Variants in SLC2A1 observed in about 807,000 individuals in gnomAD.
The protein encoded by SLC2A1 is solute carrier family 2 member 1.
In SLC2A1, 4 loss-of-function variants were observed where a neutral mutation model predicts 46.6. The observed-to-expected ratio is 0.09, with a 90% CI of 0.04 to 0.20. The LOEUF is 0.20. Ranked by LOEUF, SLC2A1 falls within the 10% of genes least tolerant of loss-of-function variation. The probability of loss-of-function intolerance (pLI) is 1.00; values close to 1 mark genes in which losing one functional copy is unlikely to be tolerated. For synonymous variants in SLC2A1, 253 were observed against 270.0 expected (o/e 0.94, Z 0.62); for missense variants, 352 against 667.0 (o/e 0.53, Z 5.20).
chr1:42,950,368 C>A (rs1643707452), intron 1 of SLC2A1, among the ~76,000 whole-genome samples: 2 of 152,226 alleles, frequency 1.3e-5, no homozygotes, highest in South Asian at 4.1e-4. Flanking sequence ...GCCCCACGTC[C>A]CCTGAGCTAG....
chr1:42,926,795 G>A lies in SLC2A1; in HGVS notation c.*246C>T. The A allele has an allele frequency of 6.7e-7, 1 of 1,483,358 alleles. No homozygotes were observed. The highest frequency in any genetic ancestry group is 8.9e-7 in the Non-Finnish European group (1 of 1,121,954). 91.9% of individuals were successfully genotyped at this position (1,483,358 alleles called of 1,614,324 possible). A position where few individuals can be genotyped will look rare whatever the true frequency, so the allele number is the denominator to read the frequency against. ...GGCTGATATAAAAATAACAAAATCA[G>A]TAATAAAAAAATTATAAAACCTGTT... is the stretch of plus-strand genomic sequence containing the variant. On this transcript the variant is annotated 3_prime_UTR_variant, in exon 10 of 10. Transcript: ENST00000426263.
chr1:42,930,067 C>A lies in SLC2A1; in HGVS notation c.517-32G>T, dbSNP rs751155997. 5.6e-6 allele frequency: 9 copies of A among 1,612,024 alleles called. No homozygotes were observed. The African/African-American group carries it at 1.1e-4, about 19-fold the overall frequency. On this transcript the variant is annotated intron_variant, in intron 4 of 9. Coordinates refer to ENST00000426263, the MANE Select transcript of SLC2A1 (RefSeq NM_006516.4). The surrounding 1 kb of genome is among the most constrained non-coding windows in gnomAD (Gnocchi z 6.2). ...GAAGCAGGGGCCGTGAGCGCCTCTG[C>A]CCTGACCCCCTTTCCCACCCCGTCC...
chr1:42,930,427 C>G lies in SLC2A1; in HGVS notation c.516+199G>C. 1.3e-6 allele frequency: 1 copy of G among 780,626 alleles called. No individual in the cohort carries two copies. Among genetic ancestry groups the G allele is most frequent in the Non-Finnish European group, 2.2e-6 (1 of 445,546 alleles). The allele number at this position is 780,626 out of a possible 1,614,324, so 48.4% of individuals were successfully genotyped here. On this transcript the variant is annotated intron_variant, in intron 4 of 9. Transcript: ENST00000426263. The surrounding 1 kb of genome is among the most constrained non-coding windows in gnomAD (Gnocchi z 6.2). Reference sequence around the variant, plus strand: ...GAAGCCTAGAGTGAGAAGAAAGGGACTGAGAAGAGTCAAGTCATCTTGCTG... The same window carrying G: ...GAAGCCTAGAGTGAGAAGAAAGGGAGTGAGAAGAGTCAAGTCATCTTGCTG...
Position 42,931,067 on chromosome 1 carries a change from A to C in SLC2A1, c.254T>G (p.Leu85Arg), listed in dbSNP as rs746796254. 1.2e-6 allele frequency: 2 copies of C among 1,614,136 alleles called. No individual in the cohort carries two copies. Among genetic ancestry groups the C allele is most frequent in the Non-Finnish European group, 1.7e-6 (2 of 1,180,010 alleles). The change falls in exon 3 of 10, where the codon CTT becomes CGT. Residue 85 changes from leucine to arginine, a missense_variant. Physicochemically the swap from Leu to Arg is moderately radical, Grantham distance 102. Transcript: ENST00000426263. ...GGMIGSFSVGLFVNRFGRRNS... is the reference protein window; with the variant it reads ...GGMIGSFSVGRFVNRFGRRNS... Reference sequence around the variant, plus strand: ...TTACCGGCCAAAGCGGTTAACGAAAAGGCCCACAGAGAAGGAGCCAATCAT... The same window carrying C: ...TTACCGGCCAAAGCGGTTAACGAAACGGCCCACAGAGAAGGAGCCAATCAT...
rs996699151 is a variant in SLC2A1 at position 42,946,521 on chromosome 1, A to G, written c.19-3200T>C. ...GTATGAGGCACTGTGAGAACCCTGG[A>G]GGGAAAGATTTCCAGTTTTGCCTGG... On this transcript the variant is annotated intron_variant, in intron 1 of 9. Transcript: ENST00000426263. 9.1e-4 allele frequency among the ~76,000 whole-genome samples: 139 copies of G among 152,282 alleles called. 1 individual carries two copies. The highest frequency in any genetic ancestry group is 3.3e-3 in the African/African-American group (136 of 41,548).
chr1:42,955,288 A>G (rs1643760464), intron 1 of SLC2A1, among the ~76,000 whole-genome samples: 1 of 152,208 alleles, frequency 6.6e-6, no homozygotes, highest in Non-Finnish European at 1.5e-5. Flanking sequence ...AACTAAGCTA[A>G]GCTGGGATTC....
chr1:42,948,613 A>G (rs767259434), intron 1 of SLC2A1, among the ~76,000 whole-genome samples: 1 of 152,154 alleles, frequency 6.6e-6, no homozygotes, highest in Non-Finnish European at 1.5e-5. Context: ...ACTCATTTAA[A>G]TGAACTTCTG....
chr1:42,940,660 C>G (rs1186939748), intron 2 of SLC2A1, among the ~76,000 whole-genome samples: 1 of 152,094 alleles, frequency 6.6e-6, no homozygotes, highest in Non-Finnish European at 1.5e-5. Context: ...GTTGCTCAGG[C>G]TGGTCTTGAA....
rs1643811108 is a variant in SLC2A1, at chr1:42,958,835, C to A, written c.-184G>T. On this transcript the variant is annotated 5_prime_UTR_variant, in exon 1 of 10. Coordinates refer to ENST00000426263, the MANE Select transcript of SLC2A1 (RefSeq NM_006516.4). ...TCACTCGGGGACCCGCGACTAGCGA[C>A]CGGCACGCTCGCTGTTGCTACCTCT... 6.9e-6 allele frequency: 4 copies of A among 583,714 alleles called. No homozygotes were observed. The allele number at this position is 583,714 out of a possible 1,614,324, so 36.2% of individuals were successfully genotyped here. A position where few individuals can be genotyped will look rare whatever the true frequency, so the allele number is the denominator to read the frequency against.
At chr1:42,955,565 C>A (rs919851297) in intron 1 of SLC2A1, among the ~76,000 whole-genome samples, 10 of 152,160 alleles carry the variant, frequency 6.6e-5, no homozygotes, top group Admixed American at 6.5e-4. Context: ...AGCCAAGATA[C>A]TTGCCTGGGT....
intron 2 of SLC2A1, among the ~76,000 whole-genome samples, chr1:42,935,829 A>T (rs1643537610): frequency 1.3e-5 from 2 of 152,192 alleles, no homozygotes; most frequent in Admixed American, 1.3e-4. Flanking sequence ...AGTAGGGAGC[A>T]TGCAAGTCAA....
chr1:42,940,400 A>G (rs1163269807), intron 2 of SLC2A1, among the ~76,000 whole-genome samples: 1 of 152,186 alleles, frequency 6.6e-6, no homozygotes, highest in Non-Finnish European at 1.5e-5. Flanking sequence ...ACCAGTGTCT[A>G]TTACTATGAC....
At position 42,927,951 on chromosome 1, in the gene SLC2A1, C is replaced by T; in HGVS notation, c.1075-143G>A. ...GGTCCTGGATTTGTTGTGTATCCAG[C>T]ATTGGGCCTAAGTTTCCTCATCCGA... On this transcript the variant is annotated intron_variant, in intron 8 of 9. Transcript: ENST00000426263. The surrounding 1 kb of genome is among the most constrained non-coding windows in gnomAD (Gnocchi z 5.3). 3 of 725,702 alleles carry T rather than the reference C, an allele frequency of 4.1e-6. No individual in the cohort carries two copies. Among genetic ancestry groups the T allele is most frequent in the Non-Finnish European group, 4.9e-6 (2 of 409,384 alleles). The allele number at this position is 725,702 out of a possible 1,614,324, so 45.0% of individuals were successfully genotyped here.
chr1:42,952,446 T>A, intron 1 of SLC2A1: 1 of 467,186 alleles, frequency 2.1e-6, no homozygotes, highest in Non-Finnish European at 4.3e-6. Context: ...CATCACCAGG[T>A]TGTAGATGGT....
At chr1:42,928,324 G>T (rs1643450127) in intron 8 of SLC2A1, among the ~76,000 whole-genome samples, 1 of 152,220 alleles carries the variant, frequency 6.6e-6, no homozygotes, top group Admixed American at 6.5e-5. Context: ...AGGTTGAGCT[G>T]TAAAATGACA....
intron 1 of SLC2A1, among the ~76,000 whole-genome samples, chr1:42,947,581 CAA>C (rs144784155): frequency 2.2e-3 from 120 of 55,810 alleles, no homozygotes; most frequent in African/African-American, 0.01. Flanking sequence ...CACACACACA[CAA>C]AAAAAAAAAA....
At chr1:42,933,324 C>G (rs1008441908) in intron 2 of SLC2A1, among the ~76,000 whole-genome samples, 2 of 152,136 alleles carry the variant, frequency 1.3e-5, no homozygotes, top group Non-Finnish European at 2.9e-5. Context: ...ATCTCCCACC[C>G]CTCTACGCCT....
intron 2 of SLC2A1, among the ~76,000 whole-genome samples, chr1:42,936,956 A>G (rs1450451410): frequency 6.6e-6 from 1 of 152,170 alleles, no homozygotes. Context: ...GCCAATGCCC[A>G]GAGACATTTT....
In SLC2A1 at chr1:42,930,522, G is replaced by A; in HGVS notation, c.516+104C>T. 6.7e-7 allele frequency: 1 copy of A among 1,495,730 alleles called. No individual in the cohort carries two copies. Among genetic ancestry groups the A allele is most frequent in the Non-Finnish European group, 9.2e-7 (1 of 1,089,978 alleles). 92.7% of individuals were successfully genotyped at this position (1,495,730 alleles called of 1,614,324 possible). A position where few individuals can be genotyped will look rare whatever the true frequency, so the allele number is the denominator to read the frequency against. On this transcript the variant is annotated intron_variant, in intron 4 of 9. Transcript: ENST00000426263. This position sits in a 1 kb window ranked among gnomAD's most constrained non-coding sequence, Gnocchi z 6.2. ...ATAGTTGTCCTCTGCAAGGCTGTGG[G>A]GGCTGGGCGGAAGAGAAACTCTGCC...
Sources: gnomAD v4.1 joint callset for allele counts (sites outside exome capture counted in the v4.1 genomes callset) on GRCh38, gnomAD v4.1.1 for gene constraint, Gnocchi (gnomAD v3.1) non-coding constraint, MANE v1.5 for transcripts, NCBI Gene and HGNC (gene_info 2026-07-23, HGNC 2026-07-21) for gene names.